Variants in GDPD4 observed in about 807,000 individuals in gnomAD.
GDPD4 encodes the protein glycerophosphodiester phosphodiesterase 6.
A neutral mutation model predicts 67.8 loss-of-function variants in GDPD4; 60 were observed. That is an observed-to-expected ratio of 0.88 (90% CI 0.72 to 1.10). The LOEUF (loss-of-function observed/expected upper bound fraction) is 1.10, where lower values mean the gene tolerates loss of function less well. Among genes scored for constraint, GDPD4 ranks in the 50% least tolerant of loss-of-function variants. The pLI is 0.00. For synonymous variants in GDPD4, 212 were observed against 210.9 expected (o/e 1.00, Z -0.04); for missense variants, 623 against 613.9 (o/e 1.01, Z -0.16).
At chr11:77,255,176 T>A (rs903911955) in intron 11 of GDPD4, among the ~76,000 whole-genome samples, 1 of 146,690 alleles carries the variant, frequency 6.8e-6, no homozygotes, top group African/African-American at 2.5e-5. Context: ...GCTAAAAAAA[T>A]GCCTACCAAA....
chr11:77,300,626 T>C (rs1261863457), intron 1 of GDPD4, among the ~76,000 whole-genome samples: 2 of 152,180 alleles, frequency 1.3e-5, no homozygotes, highest in Non-Finnish European at 2.9e-5. Flanking sequence ...TAGAACACTG[T>C]ACTCAACAAA....
intron 11 of GDPD4, among the ~76,000 whole-genome samples, chr11:77,248,051 C>CAAAA (rs34252021): frequency 3.2e-5 from 2 of 62,622 alleles, no homozygotes; most frequent in African/African-American, 8.1e-5. Flanking sequence ...AACTCCGTCT[C>CAAAA]AAAAAAAAAA....
chr11:77,286,437 G>C (rs1454550132), intron 2 of GDPD4, among the ~76,000 whole-genome samples: 1 of 152,136 alleles, frequency 6.6e-6, no homozygotes, highest in Non-Finnish European at 1.5e-5. Flanking sequence ...CGAATATCTG[G>C]GCAGGAAAGA....
At chr11:77,275,799 T>C (rs985396913) in intron 5 of GDPD4, among the ~76,000 whole-genome samples, 10 of 152,182 alleles carry the variant, frequency 6.6e-5, no homozygotes, top group African/African-American at 1.9e-4. Flanking sequence ...TGAACTGAAA[T>C]TTTTAATCAC....
intron 12 of GDPD4, among the ~76,000 whole-genome samples, chr11:77,244,710 T>C (rs958122630): frequency 1.3e-5 from 2 of 152,096 alleles, no homozygotes; most frequent in African/African-American, 4.8e-5. Context: ...AGAGGAGTCA[T>C]TTCCTGCCAA....
chr11:77,271,335 A>G lies in GDPD4; in HGVS notation c.266T>C (p.Phe89Ser), dbSNP rs773691312. ...AGCTACCAGCCACCTTTCTTTCCAG[A>G]ATTTGCATATAATGAACATTAAAAT... ...CVILMFIICKFWKERWLVAGL... is the reference protein window; with the variant it reads ...CVILMFIICKSWKERWLVAGL... Residue 89 changes from phenylalanine to serine, a missense_variant, in exon 6 of 17, where the codon TTC becomes TCC. Phe to Ser is a radical substitution (Grantham distance 155). Coordinates refer to ENST00000315938, the MANE Select transcript of GDPD4 (RefSeq NM_182833.3). 6.2e-7 allele frequency: 1 copy of G among 1,614,046 alleles called. No individual in the cohort carries two copies. Among genetic ancestry groups the G allele is most frequent in the Non-Finnish European group, 8.5e-7 (1 of 1,179,890 alleles).
At chr11:77,252,983 C>T (rs1958936330) in intron 11 of GDPD4, among the ~76,000 whole-genome samples, 1 of 152,196 alleles carries the variant, frequency 6.6e-6, no homozygotes, top group Admixed American at 6.5e-5. Flanking sequence ...AATCAACTGC[C>T]ATGGTGCTGG....
chr11:77,218,548 C>T (rs1203275787), intron 16 of GDPD4, among the ~76,000 whole-genome samples: 1 of 152,118 alleles, frequency 6.6e-6, no homozygotes, highest in African/African-American at 2.4e-5. Context: ...CATACCCCCA[C>T]CCCACGACAG....
intron 5 of GDPD4, among the ~76,000 whole-genome samples, chr11:77,274,084 T>A (rs1959339532): frequency 6.6e-6 from 1 of 152,240 alleles, no homozygotes; most frequent in African/African-American, 2.4e-5. Context: ...CCTGGAATGG[T>A]AATCAGAATG....
At chr11:77,256,924 A>G (rs1959013976) in intron 11 of GDPD4, among the ~76,000 whole-genome samples, 1 of 152,198 alleles carries the variant, frequency 6.6e-6, no homozygotes, top group South Asian at 2.1e-4. Flanking sequence ...AGTCTCAGGT[A>G]TTCCTTTATA....
intron 1 of GDPD4, among the ~76,000 whole-genome samples, chr11:77,295,573 G>T (rs1937927016): frequency 6.6e-6 from 1 of 152,062 alleles, no homozygotes; most frequent in African/African-American, 2.4e-5. Flanking sequence ...TGAGGCTGCA[G>T]CAAGCCATGA....
chr11:77,249,259 C>A, intron 11 of GDPD4, among the ~76,000 whole-genome samples: 2 of 112,588 alleles, frequency 1.8e-5, no homozygotes, highest in East Asian at 2.5e-4. Flanking sequence ...ACCGAGACTC[C>A]ATCTCAAAAA....
intron 1 of GDPD4, among the ~76,000 whole-genome samples, chr11:77,295,578 C>G (rs1402417707): frequency 1.3e-5 from 2 of 151,962 alleles, no homozygotes; most frequent in Non-Finnish European, 2.9e-5. Context: ...CTGCAGCAAG[C>G]CATGATGGGG....
chr11:77,251,916 A>G (rs190517404), intron 11 of GDPD4, among the ~76,000 whole-genome samples: 68 of 151,310 alleles, frequency 4.5e-4, no homozygotes, highest in African/African-American at 1.6e-3. Flanking sequence ...CCTCTGGGTA[A>G]TTTTCAAATG....
chr11:77,286,902 T>C (rs1382151430), intron 2 of GDPD4: 2 of 152,148 alleles, frequency 1.3e-5, no homozygotes, highest in Non-Finnish European at 2.9e-5. Flanking sequence ...ACCAAAAATA[T>C]CTAATTGCAC....
intron 2 of GDPD4, among the ~76,000 whole-genome samples, chr11:77,285,532 C>T (rs979660138): frequency 6.6e-6 from 1 of 152,178 alleles, no homozygotes; most frequent in Non-Finnish European, 1.5e-5. Flanking sequence ...CTCCAGCTAT[C>T]AAATGTTTTG....
chr11:77,225,559 C>T (rs1008102090), intron 16 of GDPD4, among the ~76,000 whole-genome samples: 1 of 151,956 alleles, frequency 6.6e-6, no homozygotes, highest in Non-Finnish European at 1.5e-5. Context: ...CTACTAAAAA[C>T]CAATAATAAA....
intron 10 of GDPD4, among the ~76,000 whole-genome samples, chr11:77,266,804 A>G (rs1335035262): frequency 6.6e-6 from 1 of 152,228 alleles, no homozygotes; most frequent in Non-Finnish European, 1.5e-5. Flanking sequence ...AAGAAAGAAA[A>G]TATTTTTGTA....
At chr11:77,229,835 T>C (rs1229236951) in intron 14 of GDPD4, among the ~76,000 whole-genome samples, 1 of 152,220 alleles carries the variant, frequency 6.6e-6, no homozygotes, top group African/African-American at 2.4e-5. Flanking sequence ...TCTATGCTCC[T>C]TGCCCAAATC....
Sources: allele counts gnomAD v4.1 joint callset (sites outside exome capture counted in the v4.1 genomes callset), GRCh38; gene constraint gnomAD v4.1.1; transcripts MANE v1.5; gene names NCBI Gene and HGNC (gene_info 2026-07-23, HGNC 2026-07-21).